The following MSL3 variants were observed in gnomAD, a reference collection of about 807,000 sequenced individuals.
The protein encoded by MSL3 is MSL3-like 1.
A neutral mutation model predicts 37.2 loss-of-function variants in MSL3; 5 were observed. The ratio of observed to expected loss-of-function variants is 0.13; its 90% CI spans 0.07 to 0.28. MSL3 has a LOEUF of 0.28. Ranked by LOEUF, MSL3 falls within the 10% of genes least tolerant of loss-of-function variation. MSL3 has a pLI of 1.00. For synonymous variants in MSL3, 149 were observed against 147.6 expected, an observed-to-expected ratio of 1.01 and a Z score of -0.07; for missense variants, 315 against 408.5, an observed-to-expected ratio of 0.77 and a Z score of 1.97.
chrX:11,759,707 A>G, intron 1 of MSL3, 86 bp from the exon 2 acceptor site: 1 of 1,183,695 alleles, frequency 8.4e-7, no homozygotes, highest in Non-Finnish European at 1.1e-6. Context: ...CTTTCTTTAA[A>G]AAAGGGTCTG....
intron 1 of MSL3, 86 bp downstream of exon 1, chrX:11,758,451 C>T: frequency 2.1e-6 from 2 of 939,785 alleles, no homozygotes; most frequent in South Asian, 3.5e-5. Context: ...CCGCGCGGAG[C>T]TGAGGGACCG....
At chrX:11,759,462 A>C (rs370754752) in intron 1 of MSL3, 13 of 341,105 alleles carry the variant, frequency 3.8e-5, no homozygotes, top group African/African-American at 3.5e-4. Context: ...AGGGGAGCCC[A>C]GGAGACTACA....
chrX:11,762,024 AC>A (rs760315504), intron 5 of MSL3, 105 bp from the exon 6 acceptor site: 2 of 609,543 alleles, frequency 3.3e-6, no homozygotes, highest in African/African-American at 4.7e-5. Context: ...CACGTGGCAT[AC>A]TATGATTGTT....
At chrX:11,769,639 T>A (rs181993158) in intron 10 of MSL3, among the ~76,000 whole-genome samples, 23 of 111,955 alleles carry the variant, frequency 2.1e-4, no homozygotes, top group Non-Finnish European at 4.0e-4. Flanking sequence ...ACTCTCATGC[T>A]GTCACCCAGG....
chrX:11,765,679 A>G lies in MSL3; in HGVS notation c.1121A>G (p.Gln374Arg). ...SSASPQPKRR[Q>R]QDTSASMPKL... ...GCTTCACCTCAGCCCAAGCGCCGGC[A>G]GCAGGACACATCCGCCAGCATGCCC... is the stretch of plus-strand genomic sequence containing the variant. The change falls in exon 9 of 13, where the codon CAG becomes CGG. Residue 374 changes from glutamine (Q) to arginine (R), a missense_variant. Transcript: ENST00000312196. 1 of 1,212,299 alleles carries G rather than the reference A, an allele frequency of 8.2e-7. No individual in the cohort carries two copies. Among genetic ancestry groups the G allele is most frequent in the Non-Finnish European group, 1.1e-6 (1 of 895,600 alleles).
At position 11,758,299 on chromosome X, in the gene MSL3, C is replaced by T; in HGVS notation, c.36C>T (p.His12=). 1 of 1,113,396 alleles carries T rather than the reference C, an allele frequency of 9.0e-7. No individual in the cohort carries two copies. Among genetic ancestry groups the T allele is most frequent in the Non-Finnish European group, 1.2e-6 (1 of 841,243 alleles). 91.8% of individuals were successfully genotyped at this position (1,113,396 alleles called of 1,213,427 possible). A position where few individuals can be genotyped will look rare whatever the true frequency, so the allele number is the denominator to read the frequency against. Residue 12 remains histidine (H), a synonymous_variant, in exon 1 of 13, where the codon CAC becomes CAT. Transcript: ENST00000312196. ...SASEGMKFKF[H]SGEKVLCFEP... ...GCGAGGGCATGAAATTTAAATTCCA[C>T]TCAGGGGAGAAAGTGCTGTGCTTCG...
chrX:11,772,762 A>G (rs1241843904), intron 12 of MSL3, 57 bp downstream of exon 12: 2 of 705,934 alleles, frequency 2.8e-6, no homozygotes, highest in African/African-American at 4.4e-5. Context: ...GGCTTTTCTG[A>G]ACTTCTCTTT....
chrX:11,771,422 G>A (rs1339603678), intron 10 of MSL3, among the ~76,000 whole-genome samples: 1 of 112,884 alleles, frequency 8.9e-6, no homozygotes, highest in Non-Finnish European at 1.9e-5. Flanking sequence ...GTCTATTTCA[G>A]TTGATTCAAG....
intron 1 of MSL3, chrX:11,759,480 G>C (rs1028962808): frequency 4.1e-6 from 2 of 489,661 alleles, no homozygotes; most frequent in Admixed American, 1.1e-4. Flanking sequence ...ACAACTCCCA[G>C]AGCTCTCAGG....
Position 11,768,619 on chromosome X carries a change from T to C in MSL3, c.1218T>C (p.Pro406=). The change falls in exon 10 of 13, where the codon CCT becomes CCC. Residue 406 remains proline (P), a synonymous_variant. Coordinates refer to ENST00000312196, the MANE Select transcript of MSL3 (RefSeq NM_078629.4). ...CATCTTCACCTATTCCTCTGACTCC[T>C]AGCAAGGAAGGGAGTGCTGTGTTTG... ...SRSSSPIPLT[P]SKEGSAVFAG... 8.3e-7 allele frequency: 1 copy of C among 1,208,825 alleles called. No individual in the cohort carries two copies. Among genetic ancestry groups the C allele is most frequent in the Non-Finnish European group, 1.1e-6 (1 of 892,647 alleles).
intron 12 of MSL3, among the ~76,000 whole-genome samples, chrX:11,773,883 GA>G (rs199503540): frequency 0.023 from 2,534 of 112,177 alleles, 30 homozygotes; most frequent in Middle Eastern, 0.056. Flanking sequence ...ACTCATAGAA[GA>G]AAAAGAGTTA....
At chrX:11,764,427 T>A (rs1369493089) in intron 8 of MSL3, among the ~76,000 whole-genome samples, 3 of 111,277 alleles carry the variant, frequency 2.7e-5, no homozygotes, top group Non-Finnish European at 5.7e-5. Flanking sequence ...AAGTTACTTC[T>A]CTTCTTGCTC....
Position 11,762,239 on chromosome X carries a change from A to G in MSL3, c.575A>G (p.Asn192Ser). 8.6e-7 allele frequency: 1 copy of G among 1,156,352 alleles called. No individual in the cohort carries two copies. The highest frequency in any genetic ancestry group is 1.1e-6 in the Non-Finnish European group (1 of 871,807). ...CTGGAGGATGATTGTTACTACATTA[A>G]CAGGAGGAAACGGGTATGTAGGGAG... Reference protein sequence around the residue: ...KQLEDDCYYINRRKRLVKLPC... With the variant: ...KQLEDDCYYISRRKRLVKLPC... The change falls in exon 6 of 13, where the codon AAC becomes AGC. Residue 192 changes from asparagine to serine, a missense_variant. Coordinates refer to ENST00000312196, the MANE Select transcript of MSL3 (RefSeq NM_078629.4).
chrX:11,767,169 G>A (rs777674959), intron 9 of MSL3: 5 of 754,399 alleles, frequency 6.6e-6, no homozygotes, highest in Non-Finnish European at 7.8e-6. Flanking sequence ...CATAGTTCCA[G>A]GTGCGTGAAA....
Position 11,765,482 on chromosome X carries a change from C to G in MSL3, c.924C>G (p.Leu308=). 2 of 1,191,801 alleles carry G rather than the reference C, an allele frequency of 1.7e-6. No individual in the cohort carries two copies. Among genetic ancestry groups the G allele is most frequent in the Non-Finnish European group, 2.3e-6 (2 of 883,627 alleles). ...ATSTNRSQEE[L]SPSPPLLNPS... is the part of the protein sequence containing the mutation. ...TCTTCCCTAGGAGCCAGGAGGAACT[C>G]TCTCCCAGTCCGCCTTTGTTGAATC... The change falls in exon 9 of 13, where the codon CTC becomes CTG. Residue 308 remains leucine (L), a synonymous_variant. Transcript: ENST00000312196.
Position 11,760,418 on chromosome X carries a change from A to T in MSL3, c.201A>T (p.Ala67=). Residue 67 remains alanine, a synonymous_variant, in exon 3 of 13, where the codon GCA becomes GCT. Transcript: ENST00000312196. ...GTTCAATTAGCTGGGATAGATGGGCAGCAGAAGATCATGTGCTTCGTGATA... is the reference window on the plus strand; with the variant it reads ...GTTCAATTAGCTGGGATAGATGGGCTGCAGAAGATCATGTGCTTCGTGATA... The part of the protein sequence containing the change: ...NGWNRSWDRW[A]AEDHVLRDTD... 8.3e-7 allele frequency: 1 copy of T among 1,201,209 alleles called. No homozygotes were observed. Among genetic ancestry groups the T allele is most frequent in the Non-Finnish European group, 1.1e-6 (1 of 890,822 alleles).
chrX:11,759,310 T>C (rs1400312752), intron 1 of MSL3, among the ~76,000 whole-genome samples: 1 of 111,790 alleles, frequency 8.9e-6, no homozygotes, highest in African/African-American at 3.3e-5. Context: ...CCGCGTCTGC[T>C]ATCCCTCTTT....
At chrX:11,765,356 G>A (rs993760830) in intron 8 of MSL3, 111 bp from the exon 9 acceptor site, 21 of 948,245 alleles carry the variant, frequency 2.2e-5, no homozygotes, top group South Asian at 5.0e-5. Flanking sequence ...AGTGACTTCG[G>A]TACATATTTA....
rs2053225567 is a variant in MSL3, at chrX:11,770,740, G to GA, written c.1282-1412dup. On this transcript the variant is annotated intron_variant, in intron 10 of 12. Coordinates refer to ENST00000312196, the MANE Select transcript of MSL3 (RefSeq NM_078629.4). ...ACTAGAAACCTACCATTTTTCCCCG[G>GA]AAAATGTGTCTTCATAAATAGAAGA... 3.6e-5 allele frequency among the ~76,000 whole-genome samples: 4 copies of GA among 112,079 alleles called. No individual in the cohort carries two copies. The Admixed American group carries it at 3.8e-4, about 11-fold the overall frequency.
Sources: gnomAD v4.1 joint callset for allele counts (sites outside exome capture counted in the v4.1 genomes callset) on GRCh38, gnomAD v4.1.1 for gene constraint, MANE v1.5 for transcripts, NCBI Gene and HGNC (gene_info 2026-07-23, HGNC 2026-07-21) for gene names.